CMSS1: variants seen among roughly 807,000 people sequenced by gnomAD.
CMSS1 encodes protein CMSS1.
A neutral mutation model predicts 43.5 loss-of-function variants in CMSS1; 33 were observed. The observed-to-expected ratio is 0.76, with a 90% CI of 0.57 to 1.01. CMSS1 has a LOEUF of 1.01. Among genes scored for constraint, CMSS1 ranks in the 50% least tolerant of loss-of-function variants. CMSS1 has a pLI of 0.00. For synonymous variants in CMSS1, 115 were observed against 117.2 expected, an observed-to-expected ratio of 0.98 and a Z score of 0.12; for missense variants, 313 against 326.4, an observed-to-expected ratio of 0.96 and a Z score of 0.32.
intron 1 of CMSS1, among the ~76,000 whole-genome samples, chr3:100,124,867 T>G (rs2066650878): frequency 6.7e-6 from 1 of 148,266 alleles, no homozygotes; most frequent in South Asian, 2.2e-4. Context: ...GAGATGTATA[T>G]GCGTTCACAT....
intron 1 of CMSS1, chr3:100,010,212 A>G (rs1710103169): frequency 2.7e-6 from 2 of 746,542 alleles, no homozygotes. Flanking sequence ...CAAATGATGT[A>G]AACTGTCATT....
At chr3:99,982,970 C>T (rs775134109) in intron 1 of CMSS1, among the ~76,000 whole-genome samples, 27 of 152,004 alleles carry the variant, frequency 1.8e-4, no homozygotes, top group Admixed American at 1.6e-3. Context: ...ATGTGTAGGG[C>T]GAATGTCTTT....
intron 1 of CMSS1, among the ~76,000 whole-genome samples, chr3:100,067,431 G>T (rs2065685673): frequency 6.6e-6 from 1 of 152,124 alleles, no homozygotes; most frequent in Non-Finnish European, 1.5e-5. Flanking sequence ...AATGTCTGTT[G>T]AATCCCTGGC....
chr3:99,956,347 C>T (rs898730703), intron 1 of CMSS1, among the ~76,000 whole-genome samples: 1 of 152,216 alleles, frequency 6.6e-6, no homozygotes, highest in African/African-American at 2.4e-5. Context: ...CTGTCCCCTC[C>T]ATCTAAGCTT....
In CMSS1 at chr3:100,126,764, C is replaced by T. The variant is rs572579720; in HGVS notation, c.65-20209C>T. On this transcript the variant is annotated intron_variant, in intron 1 of 9. Coordinates refer to ENST00000421999, the MANE Select transcript of CMSS1 (RefSeq NM_032359.4). ...CTGTAATCCCAGCACTTTGGGAGGC[C>T]GAGGCCGGTGGATCACGAGGTCAGG... is the stretch of plus-strand genomic sequence containing the variant. 1.3e-4 allele frequency among the ~76,000 whole-genome samples: 20 copies of T among 152,162 alleles called. No individual in the cohort carries two copies. In the South Asian group the frequency reaches 3.5e-3, roughly 27 times the overall value.
intron 1 of CMSS1, among the ~76,000 whole-genome samples, chr3:100,135,995 T>C (rs1294662821): frequency 6.6e-6 from 1 of 151,964 alleles, no homozygotes; most frequent in African/African-American, 2.4e-5. Context: ...ACTAGGAAAA[T>C]AGGAGCATTA....
intron 1 of CMSS1, among the ~76,000 whole-genome samples, chr3:99,975,343 C>G (rs1476610427): frequency 1.3e-5 from 2 of 152,154 alleles, no homozygotes; most frequent in African/African-American, 4.8e-5. Context: ...GTCAAATGTT[C>G]TAGTGCAGGA....
At chr3:100,052,825 A>G (rs1559740591) in intron 1 of CMSS1, among the ~76,000 whole-genome samples, 1 of 152,246 alleles carries the variant, frequency 6.6e-6, no homozygotes, top group African/African-American at 2.4e-5. Context: ...AGTTATAAAT[A>G]AATTCATATT....
At chr3:99,961,367 C>T (rs1291102150) in intron 1 of CMSS1, among the ~76,000 whole-genome samples, 2 of 152,068 alleles carry the variant, frequency 1.3e-5, no homozygotes, top group Non-Finnish European at 2.9e-5. Flanking sequence ...TATATATATA[C>T]CTTAAAATGT....
chr3:100,014,902 T>C (rs962681995), intron 1 of CMSS1, among the ~76,000 whole-genome samples: 7 of 142,004 alleles, frequency 4.9e-5, no homozygotes, highest in South Asian at 2.3e-4. Context: ...TTTCTTTTTT[T>C]TTTTTTTTTT....
intron 1 of CMSS1, among the ~76,000 whole-genome samples, chr3:99,905,401 T>C (rs898051696): frequency 2.6e-5 from 4 of 152,198 alleles, no homozygotes; most frequent in Non-Finnish European, 5.9e-5. Context: ...TTCTAATTGC[T>C]CTTACTAGGA....
chr3:99,917,562 A>G (rs1306209234), intron 1 of CMSS1, among the ~76,000 whole-genome samples: 2 of 152,178 alleles, frequency 1.3e-5, no homozygotes, highest in Non-Finnish European at 2.9e-5. Context: ...AAATCAAAGC[A>G]TTGGTCTAGA....
At chr3:99,871,818 G>T (rs1207096274) in intron 1 of CMSS1, among the ~76,000 whole-genome samples, 1 of 152,152 alleles carries the variant, frequency 6.6e-6, no homozygotes, top group African/African-American at 2.4e-5. Context: ...TAGAGAGTGG[G>T]ATTTGCCAGC....
chr3:99,927,778 G>A lies in CMSS1; in HGVS notation c.64+109735G>A, dbSNP rs576834730. On this transcript the variant is annotated intron_variant, in intron 1 of 9. Transcript: ENST00000421999. The stretch of plus-strand genomic sequence containing the variant: ...ACCCTAGGCTGGAAAGGAATAGGAG[G>A]TCAAAACTCTTGTGGACTGAGTCCT... 3.9e-5 allele frequency among the ~76,000 whole-genome samples: 6 copies of A among 152,230 alleles called. No individual in the cohort carries two copies. The South Asian group carries it at 1.2e-3, about 32-fold the overall frequency.
chr3:99,849,258 G>A (rs770135942), intron 1 of CMSS1: 5 of 1,614,138 alleles, frequency 3.1e-6, no homozygotes, highest in Non-Finnish European at 4.2e-6. Flanking sequence ...GTGGTTCATT[G>A]TCTACTGCTT....
chr3:99,865,437 C>T (rs1944465555), intron 1 of CMSS1, among the ~76,000 whole-genome samples: 1 of 152,186 alleles, frequency 6.6e-6, no homozygotes, highest in Non-Finnish European at 1.5e-5. Context: ...AAATCACCAC[C>T]ACTAGCAATT....
intron 1 of CMSS1, among the ~76,000 whole-genome samples, chr3:99,920,205 C>T (rs1236601597): frequency 6.6e-6 from 1 of 151,938 alleles, no homozygotes; most frequent in Non-Finnish European, 1.5e-5. Context: ...GGATAGCATA[C>T]ATAGTTTGTT....
chr3:99,825,551 G>A (rs1371013689), intron 1 of CMSS1, among the ~76,000 whole-genome samples: 1 of 152,084 alleles, frequency 6.6e-6, no homozygotes, highest in African/African-American at 2.4e-5. Context: ...TAAATGAGTG[G>A]TTCTTGACAA....
rs146512330 is a variant in CMSS1 at position 100,016,906 on chromosome 3, A to T, written c.65-130067A>T. ...GAGAATTAGTTGTGTCCAAAATATC[A>T]ATCAGAATATTTCCATCTAATTATA... On this transcript the variant is annotated intron_variant, in intron 1 of 9. Transcript: ENST00000421999. Among the ~76,000 whole-genome samples the T allele has an allele frequency of 4.3e-3, 648 of 152,336 alleles. 10 individuals carry two copies. The South Asian group carries it at 0.058, about 14-fold the overall frequency.
Sources: allele counts gnomAD v4.1 joint callset (sites outside exome capture counted in the v4.1 genomes callset), GRCh38; gene constraint gnomAD v4.1.1; transcripts MANE v1.5; gene names NCBI Gene and HGNC (gene_info 2026-07-23, HGNC 2026-07-21).